The following UNC79 variants were observed in gnomAD, a reference collection of about 807,000 sequenced individuals.
UNC79 encodes the protein protein unc-79 homolog.
UNC79 carries 37 observed loss-of-function variants against 283.1 expected under a neutral mutation model. That is an observed-to-expected ratio of 0.13 (90% confidence interval 0.10 to 0.17). The LOEUF (loss-of-function observed/expected upper bound fraction) is 0.17. UNC79 is among the 10% of genes least tolerant of loss of function. The probability of loss-of-function intolerance (pLI) is 1.00; values close to 1 mark genes in which losing one functional copy is unlikely to be tolerated. For synonymous variants in UNC79, 1,107 were observed against 1,200.2 expected (o/e 0.92, Z 1.61); for missense variants, 2,272 against 3,211.1 (o/e 0.71, Z 7.07).
intron 1 of UNC79, among the ~76,000 whole-genome samples, chr14:93,416,438 C>A (rs970483572): frequency 2.0e-5 from 3 of 151,790 alleles, no homozygotes; most frequent in Non-Finnish European, 4.4e-5. Context: ...GCTTTACTTC[C>A]AACTATGTGG....
intron 1 of UNC79, among the ~76,000 whole-genome samples, chr14:93,405,842 A>T (rs542467798): frequency 6.6e-6 from 1 of 152,360 alleles, no homozygotes; most frequent in South Asian, 2.1e-4. Context: ...TTAACTCAAG[A>T]AACTAGAAAT....
chr14:93,619,473 A>G (rs1307873054), intron 29 of UNC79, among the ~76,000 whole-genome samples: 1 of 152,192 alleles, frequency 6.6e-6, no homozygotes, highest in East Asian at 1.9e-4. Context: ...GAAAAACTGC[A>G]TTTTTCAAAG....
intron 1 of UNC79, among the ~76,000 whole-genome samples, chr14:93,387,128 A>G (rs982622010): frequency 7.3e-5 from 11 of 151,578 alleles, no homozygotes; most frequent in African/African-American, 2.4e-4. Flanking sequence ...TATTTAGTAG[A>G]GACGGGGTTT....
intron 1 of UNC79, among the ~76,000 whole-genome samples, chr14:93,446,171 A>G (rs1483316794): frequency 1.3e-5 from 2 of 151,870 alleles, no homozygotes; most frequent in East Asian, 1.9e-4. Context: ...TTGGGTTTTA[A>G]TTAGCTCTTC....
intron 1 of UNC79, among the ~76,000 whole-genome samples, chr14:93,461,972 A>AAAAAAG (rs1555413333): frequency 5.5e-5 from 8 of 145,876 alleles, no homozygotes; most frequent in African/African-American, 1.5e-4. Flanking sequence ...CAAAAAAAAA[A>AAAAAAG]AAAGAAAGAA....
Position 93,498,918 on chromosome 14 carries a change from C to T in UNC79, c.898+1632C>T, listed in dbSNP as rs117609398. Among the ~76,000 whole-genome samples, 20 of 152,158 alleles carry T rather than the reference C, an allele frequency of 1.3e-4. No homozygotes were observed. In the East Asian group the frequency reaches 3.7e-3, roughly 28 times the overall value. ...ATATTTTTGCAAGGTTGACTTTTCT[C>T]CAAGTTATTGTAGGATTGCACACTG... On this transcript the variant is annotated intron_variant, in intron 7 of 48. Coordinates refer to ENST00000555664, the Ensembl canonical transcript of UNC79.
rs962037294 is a variant in UNC79 at position 93,474,608 on chromosome 14, T to C, written c.448+215T>C. ...AGAGGGATGTTATCCAAGTGGAGTA[T>C]TGGGGGAGAATGGGGCTGGAGAAAG... On this transcript the variant is annotated intron_variant, in intron 3 of 48. Transcript: ENST00000555664. This position sits in a 1 kb window ranked among gnomAD's most constrained non-coding sequence, Gnocchi z 4.1. Among the ~76,000 whole-genome samples the C allele has an allele frequency of 1.3e-5, 2 of 152,124 alleles. No individual in the cohort carries two copies. Among genetic ancestry groups the C allele is most frequent in the Non-Finnish European group, 2.9e-5 (2 of 68,020 alleles).
intron 1 of UNC79, among the ~76,000 whole-genome samples, chr14:93,393,109 CAGAG>C: frequency 6.6e-6 from 1 of 152,168 alleles, no homozygotes; most frequent in Admixed American, 6.5e-5. Flanking sequence ...GCCAGTGAGA[CAGAG>C]AGGAAAATGG....
intron 11 of UNC79, among the ~76,000 whole-genome samples, chr14:93,535,789 C>T (rs117944381): frequency 0.012 from 1,822 of 152,222 alleles, 32 homozygotes; most frequent in Non-Finnish European, 0.019. Context: ...GAAGAGAGAA[C>T]ATCTCAAGGC....
rs145892367 is a variant in UNC79, at chr14:93,474,877, C to T, written c.448+484C>T. Reference sequence around the variant, plus strand: ...CAGGAGGTTAGATGAGAAGTAATCTCTAACAACTCTTCCAAATGTAAACAA... The same window carrying T: ...CAGGAGGTTAGATGAGAAGTAATCTTTAACAACTCTTCCAAATGTAAACAA... On this transcript the variant is annotated intron_variant, in intron 3 of 48. Coordinates refer to ENST00000555664, the Ensembl canonical transcript of UNC79. This position sits in a 1 kb window ranked among gnomAD's most constrained non-coding sequence, Gnocchi z 4.1. Among the ~76,000 whole-genome samples the T allele has an allele frequency of 6.6e-6, 1 of 152,180 alleles. No homozygotes were observed. Among genetic ancestry groups the T allele is most frequent in the Middle Eastern group, 3.2e-3 (1 of 316 alleles).
intron 19 of UNC79, among the ~76,000 whole-genome samples, chr14:93,580,630 CAT>C (rs1311748128): frequency 6.6e-6 from 1 of 152,174 alleles, no homozygotes; most frequent in East Asian, 1.9e-4. Context: ...CATATGGTTC[CAT>C]GCATTAGTAG....
intron 1 of UNC79, among the ~76,000 whole-genome samples, chr14:93,441,991 A>G (rs922862060): frequency 1.3e-5 from 2 of 152,194 alleles, no homozygotes; most frequent in African/African-American, 4.8e-5. Context: ...CTTGGAGGTC[A>G]GCTTGGGTGG....
intron 1 of UNC79, among the ~76,000 whole-genome samples, chr14:93,461,025 G>A (rs993585372): frequency 6.6e-6 from 1 of 152,156 alleles, no homozygotes; most frequent in Non-Finnish European, 1.5e-5. Flanking sequence ...ATATAGAAGT[G>A]CATAGAAAGT....
At chr14:93,616,250 A>C (rs1205633859) in intron 27 of UNC79, among the ~76,000 whole-genome samples, 1 of 152,206 alleles carries the variant, frequency 6.6e-6, no homozygotes, top group African/African-American at 2.4e-5. Context: ...GACTATAAAC[A>C]AAGCCATGCT....
At chr14:93,415,292 T>A (rs1378019215) in intron 1 of UNC79, among the ~76,000 whole-genome samples, 1 of 152,224 alleles carries the variant, frequency 6.6e-6, no homozygotes, top group Non-Finnish European at 1.5e-5. Context: ...GGTTTTTGTC[T>A]TTGGTTCTGT....
intron 14 of UNC79, among the ~76,000 whole-genome samples, chr14:93,566,850 C>T (rs1220697474): frequency 6.6e-6 from 1 of 152,120 alleles, no homozygotes; most frequent in Admixed American, 6.5e-5. Flanking sequence ...ATCTCCTGAC[C>T]TCGTGATCTG....
intron 40 of UNC79, among the ~76,000 whole-genome samples, chr14:93,671,425 C>T (rs1478710687): frequency 3.9e-5 from 6 of 152,068 alleles, no homozygotes; most frequent in African/African-American, 1.4e-4. Context: ...AATCAACTTT[C>T]AACCAGGGAT....
In UNC79 at chr14:93,419,642, C is replaced by T. The variant is rs557053335; in HGVS notation, c.-350-48029C>T. Among the ~76,000 whole-genome samples, 120 of 151,848 alleles carry T rather than the reference C, an allele frequency of 7.9e-4. 3 individuals are homozygous for T. The highest frequency in any genetic ancestry group is 3.4e-3 in the Middle Eastern group (1 of 294). ...TTCTTTTTGCTTATTTGTTTACTTA[C>T]GCACACAGTGTTAAGTTGTTATCAG... On this transcript the variant is annotated intron_variant, in intron 1 of 49. Coordinates refer to the UNC79 transcript ENST00000256339.
At chr14:93,614,299 TTTTA>T (rs10617777) in intron 27 of UNC79, among the ~76,000 whole-genome samples, 88,709 of 139,864 alleles carry the variant, frequency 0.63, 27,968 homozygotes, top group Admixed American at 0.7. Flanking sequence ...GTGGTTTTAT[TTTTA>T]TTTATTTATT....
Sources: allele counts gnomAD v4.1 joint callset (sites outside exome capture counted in the v4.1 genomes callset), GRCh38; gene constraint gnomAD v4.1.1; non-coding constraint Gnocchi (gnomAD v3.1); transcripts MANE v1.5; gene names NCBI Gene and HGNC (gene_info 2026-07-23, HGNC 2026-07-21).